The following PRKD1 variants were observed in gnomAD, a reference collection of about 807,000 sequenced individuals.
The protein encoded by PRKD1 is protein kinase D1, also known as serine/threonine-protein kinase D1.
In PRKD1, 63 loss-of-function variants were observed where a neutral mutation model predicts 95.9. The observed-to-expected ratio is 0.66, with a 90% confidence interval of 0.54 to 0.81. The LOEUF (loss-of-function observed/expected upper bound fraction) is 0.81. PRKD1 is among the 30% of genes least tolerant of loss of function. The pLI is 0.00. For missense variants in PRKD1, 1,048 were observed against 1,165.3 expected, an observed-to-expected ratio of 0.90 and a Z score of 1.47; for synonymous variants, 425 against 423.1, an observed-to-expected ratio of 1.00 and a Z score of -0.05.
At chr14:29,646,204 G>T (rs1177202591) in intron 4 of PRKD1, among the ~76,000 whole-genome samples, 6 of 152,028 alleles carry the variant, frequency 3.9e-5, no homozygotes, top group Admixed American at 3.9e-4. Flanking sequence ...GCCATACAAT[G>T]GCTATGTTGT....
At chr14:29,679,813 T>C (rs1054919671) in intron 2 of PRKD1, among the ~76,000 whole-genome samples, 4 of 151,402 alleles carry the variant, frequency 2.6e-5, no homozygotes, top group Non-Finnish European at 5.9e-5. Flanking sequence ...CTGCAACCTC[T>C]GCCTCTCAGG....
chr14:29,770,930 C>CAAAAAAAAAAAAA (rs753745571), intron 1 of PRKD1, among the ~76,000 whole-genome samples: 1 of 47,160 alleles, frequency 2.1e-5, no homozygotes, highest in Non-Finnish European at 5.3e-5. Flanking sequence ...AGACACTGTC[C>CAAAAAAAAAAAAA]AAAAAAAAAA....
chr14:29,923,810 GA>G (rs768450153), intron 1 of PRKD1, among the ~76,000 whole-genome samples: 1,695 of 99,996 alleles, frequency 0.017, 24 homozygotes, highest in African/African-American at 0.046. Flanking sequence ...CTCATTTGAG[GA>G]AAAAAAAAAA....
intron 13 of PRKD1, among the ~76,000 whole-genome samples, chr14:29,621,981 T>C (rs1415090205): frequency 6.6e-6 from 1 of 152,318 alleles, no homozygotes; most frequent in South Asian, 2.1e-4. Flanking sequence ...TGTATATTTA[T>C]TGCATCTGAG....
At chr14:29,888,902 AG>A (rs1893837609) in intron 1 of PRKD1, among the ~76,000 whole-genome samples, 2 of 152,254 alleles carry the variant, frequency 1.3e-5, no homozygotes, top group South Asian at 4.1e-4. Flanking sequence ...AGGTGAAAAT[AG>A]CTTACTGAGT....
chr14:29,598,432 G>A (rs7146602), intron 15 of PRKD1, among the ~76,000 whole-genome samples: 70,284 of 151,958 alleles, frequency 0.46, 17,699 homozygotes, highest in African/African-American at 0.67. Flanking sequence ...GCAGGAAAGC[G>A]TTATGCAAAT....
At chr14:29,923,239 A>G (rs1273776712) in intron 1 of PRKD1, among the ~76,000 whole-genome samples, 2 of 151,872 alleles carry the variant, frequency 1.3e-5, no homozygotes, top group African/African-American at 4.8e-5. Context: ...AAAAAAAAAA[A>G]AAAAAAACAC....
intron 2 of PRKD1, among the ~76,000 whole-genome samples, chr14:29,722,016 T>C (rs1434149268): frequency 1.4e-5 from 2 of 146,802 alleles, no homozygotes; most frequent in African/African-American, 2.5e-5. Flanking sequence ...CAGAAAATGA[T>C]ATAAGCAAAG....
intron 1 of PRKD1, among the ~76,000 whole-genome samples, chr14:29,767,240 A>G (rs1888297347): frequency 6.6e-6 from 1 of 152,138 alleles, no homozygotes; most frequent in African/African-American, 2.4e-5. Context: ...TAGAACTACA[A>G]TTCTGAGAGT....
chr14:29,792,453 A>G (rs371401206), intron 1 of PRKD1, among the ~76,000 whole-genome samples: 1 of 152,168 alleles, frequency 6.6e-6, no homozygotes, highest in African/African-American at 2.4e-5. Context: ...AACATTTCAC[A>G]TATCAACTTG....
intron 13 of PRKD1, among the ~76,000 whole-genome samples, chr14:29,622,188 G>T (rs1345491925): frequency 6.6e-6 from 1 of 152,046 alleles, no homozygotes; most frequent in Non-Finnish European, 1.5e-5. Context: ...TAATGCTGCT[G>T]CTGTTCTTAA....
chr14:29,601,487 T>C (rs755232420), intron 13 of PRKD1, among the ~76,000 whole-genome samples: 3 of 152,192 alleles, frequency 2.0e-5, no homozygotes, highest in African/African-American at 4.8e-5. Flanking sequence ...GCTAGAGTCA[T>C]TGTTCTTCAA....
chr14:29,735,617 G>C (rs1191561324), intron 1 of PRKD1, among the ~76,000 whole-genome samples: 1 of 152,194 alleles, frequency 6.6e-6, no homozygotes, highest in Non-Finnish European at 1.5e-5. Flanking sequence ...CTTGTGTGAT[G>C]CAAGAGTCAG....
chr14:29,751,525 C>T (rs934975991), intron 1 of PRKD1, among the ~76,000 whole-genome samples: 1 of 152,154 alleles, frequency 6.6e-6, no homozygotes, highest in African/African-American at 2.4e-5. Flanking sequence ...TCAGAGATAC[C>T]AACCTTGCAA....
At chr14:29,768,018 T>C (rs567963491) in intron 1 of PRKD1, among the ~76,000 whole-genome samples, 1 of 152,166 alleles carries the variant, frequency 6.6e-6, no homozygotes, top group South Asian at 2.1e-4. Flanking sequence ...AAGATAAGAA[T>C]TGACAAGAAG....
rs2224591 is a variant in PRKD1 at position 29,646,901 on chromosome 14, C to A, written c.697-7997G>T. Among the ~76,000 whole-genome samples, 1,304 of 152,204 alleles carry A rather than the reference C, an allele frequency of 8.6e-3. 22 individuals carry two copies. Among genetic ancestry groups the A allele is most frequent in the African/African-American group, 0.029 (1,215 of 41,518 alleles). On this transcript the variant is annotated intron_variant, in intron 4 of 17. Transcript: ENST00000331968. ...GAAATGGAGTTCATATAGGAACGCA[C>A]ATGTTTCCAGGCTCTATAATTCAGG...
chr14:29,759,864 G>A (rs1887892863), intron 1 of PRKD1, among the ~76,000 whole-genome samples: 1 of 152,150 alleles, frequency 6.6e-6, no homozygotes, highest in Admixed American at 6.5e-5. Flanking sequence ...TTCTCATTTT[G>A]ACTAAGGGAG....
At chr14:29,765,523 T>C (rs1331608021) in intron 1 of PRKD1, among the ~76,000 whole-genome samples, 2 of 152,122 alleles carry the variant, frequency 1.3e-5, no homozygotes, top group African/African-American at 4.8e-5. Context: ...GAAGTTCCAC[T>C]CCTCCATATA....
rs548090149 is a variant in PRKD1, at chr14:29,715,376, T to C, written c.403+10160A>G. Among the ~76,000 whole-genome samples, 803 of 152,176 alleles carry C rather than the reference T, an allele frequency of 5.3e-3. 4 individuals are homozygous for C. The highest frequency in any genetic ancestry group is 5.9e-3 in the African/African-American group (247 of 41,544). Reference sequence around the variant, plus strand: ...GGCAGCCATTAGCCACATGTCTCTATTGAACACTTGAAATGTGGCTATTGT... The same window carrying C: ...GGCAGCCATTAGCCACATGTCTCTACTGAACACTTGAAATGTGGCTATTGT... On this transcript the variant is annotated intron_variant, in intron 2 of 17. Transcript: ENST00000331968.
Sources: allele counts gnomAD v4.1 joint callset (sites outside exome capture counted in the v4.1 genomes callset), GRCh38; gene constraint gnomAD v4.1.1; transcripts MANE v1.5; gene names NCBI Gene and HGNC (gene_info 2026-07-23, HGNC 2026-07-21).